The following CCSER1 variants were observed in gnomAD, a reference collection of about 807,000 sequenced individuals.
CCSER1 encodes the protein coiled-coil serine rich protein 1.
A neutral mutation model predicts 82.0 loss-of-function variants in CCSER1; 41 were observed. The observed-to-expected ratio is 0.50, with a 90% CI of 0.39 to 0.65. The LOEUF is 0.65. CCSER1 is among the 30% of genes least tolerant of loss of function. CCSER1 has a pLI of 0.00. For missense variants in CCSER1, 1,119 were observed against 1,064.2 expected (o/e 1.05, Z -0.72); for synonymous variants, 414 against 383.9 (o/e 1.08, Z -0.92).
intron 9 of CCSER1, among the ~76,000 whole-genome samples, chr4:91,053,312 A>G (rs1743163824): frequency 6.6e-6 from 1 of 152,170 alleles, no homozygotes; most frequent in Admixed American, 6.6e-5. Context: ...TACCAAAATG[A>G]GTTGGAAACA....
At chr4:90,865,763 C>G (rs765066381) in intron 8 of CCSER1, among the ~76,000 whole-genome samples, 1 of 151,774 alleles carries the variant, frequency 6.6e-6, no homozygotes, top group Non-Finnish European at 1.5e-5. Context: ...TTTTTATTTC[C>G]TTATCCCTCT....
chr4:91,377,071 A>G, intron 10 of CCSER1, among the ~76,000 whole-genome samples: 1 of 152,180 alleles, frequency 6.6e-6, no homozygotes, highest in Non-Finnish European at 1.5e-5. Flanking sequence ...CCTACAAAGG[A>G]CATGAACTCA....
intron 7 of CCSER1, among the ~76,000 whole-genome samples, chr4:90,764,500 G>A (rs1750904742): frequency 6.6e-6 from 1 of 152,044 alleles, no homozygotes; most frequent in Admixed American, 6.6e-5. Flanking sequence ...GACATCAATT[G>A]TCACCCAATA....
At chr4:90,457,223 G>A (rs1762288008) in intron 4 of CCSER1, among the ~76,000 whole-genome samples, 1 of 152,164 alleles carries the variant, frequency 6.6e-6, no homozygotes, top group Non-Finnish European at 1.5e-5. Flanking sequence ...CAGCAGCTTG[G>A]AGATCCCAGG....
intron 10 of CCSER1, among the ~76,000 whole-genome samples, chr4:91,402,574 A>G (rs898681157): frequency 6.6e-6 from 1 of 152,156 alleles, no homozygotes; most frequent in Non-Finnish European, 1.5e-5. Context: ...TTTTTGTATA[A>G]GGTGTAAGGA....
At chr4:90,311,741 A>C (rs1483600181) in intron 2 of CCSER1, among the ~76,000 whole-genome samples, 2 of 152,166 alleles carry the variant, frequency 1.3e-5, no homozygotes, top group Non-Finnish European at 2.9e-5. Flanking sequence ...CATTGTCTTA[A>C]AAAGTTATTT....
At chr4:90,528,930 TC>T (rs1227762748) in intron 5 of CCSER1, among the ~76,000 whole-genome samples, 2 of 152,092 alleles carry the variant, frequency 1.3e-5, no homozygotes, top group African/African-American at 2.4e-5. Context: ...ATTTTTAGAG[TC>T]TTTTTGTGTT....
intron 5 of CCSER1, among the ~76,000 whole-genome samples, chr4:90,520,234 T>C (rs1772903983): frequency 6.6e-6 from 1 of 151,584 alleles, no homozygotes; most frequent in Non-Finnish European, 1.5e-5. Flanking sequence ...ATATATGATA[T>C]GAAATTTATA....
intron 1 of CCSER1, among the ~76,000 whole-genome samples, chr4:90,222,603 TATCTAAATTTC>T (rs1352324912): frequency 6.6e-6 from 1 of 152,186 alleles, no homozygotes; most frequent in Non-Finnish European, 1.5e-5. Context: ...ATTTTTCTGT[TATCTAAATTTC>T]AAAGTGCCTT....
At chr4:90,691,043 T>G (rs1735725605) in intron 6 of CCSER1, among the ~76,000 whole-genome samples, 1 of 152,090 alleles carries the variant, frequency 6.6e-6, no homozygotes. Context: ...ATGTGTAAGA[T>G]GGTTGCTGTG....
intron 1 of CCSER1, among the ~76,000 whole-genome samples, chr4:90,214,954 C>T (rs145762425): frequency 6.6e-6 from 1 of 151,992 alleles, no homozygotes; most frequent in East Asian, 1.9e-4. Context: ...TTTGATTGTA[C>T]AGTTATGTAA....
intron 5 of CCSER1, among the ~76,000 whole-genome samples, chr4:90,567,357 C>G (rs1779526566): frequency 6.7e-6 from 1 of 148,944 alleles, no homozygotes; most frequent in Non-Finnish European, 1.5e-5. Context: ...GTGGCGCCAT[C>G]TCGGCTCACT....
intron 6 of CCSER1, among the ~76,000 whole-genome samples, chr4:90,648,032 G>A (rs1727907399): frequency 6.6e-6 from 1 of 151,854 alleles, no homozygotes; most frequent in Admixed American, 6.6e-5. Context: ...TTTCTTAAGG[G>A]AACTTTTTTT....
At chr4:90,432,551 C>T (rs1480150645) in intron 4 of CCSER1, among the ~76,000 whole-genome samples, 7 of 151,660 alleles carry the variant, frequency 4.6e-5, no homozygotes, top group African/African-American at 1.7e-4. Flanking sequence ...TTGCTCCCTC[C>T]CTTCTTCCTT....
chr4:91,132,079 C>G (rs1728047276), intron 10 of CCSER1, among the ~76,000 whole-genome samples: 5 of 151,998 alleles, frequency 3.3e-5, no homozygotes, highest in Admixed American at 3.3e-4. Context: ...AGATTCCTCT[C>G]AAATTGAAGG....
In CCSER1 at chr4:91,414,913, T is replaced by C. The variant is rs528773759; in HGVS notation, c.2218-183659T>C. ...GTAAGTGCATCATATGCACCCAAAA[T>C]TGACACACCTATGTATATAAAGCAA... On this transcript the variant is annotated intron_variant, in intron 10 of 10. Coordinates refer to ENST00000509176, the MANE Select transcript of CCSER1 (RefSeq NM_001145065.2). Among the ~76,000 whole-genome samples the C allele has an allele frequency of 1.3e-3, 194 of 152,216 alleles. 1 individual carries two copies. Among genetic ancestry groups the C allele is most frequent in the African/African-American group, 4.1e-3 (170 of 41,544 alleles).
chr4:90,208,276 A>G (rs1008302800), intron 1 of CCSER1, among the ~76,000 whole-genome samples: 1 of 152,172 alleles, frequency 6.6e-6, no homozygotes, highest in Non-Finnish European at 1.5e-5. Context: ...CCCAGTTCGG[A>G]CTTCCCAGCA....
intron 7 of CCSER1, among the ~76,000 whole-genome samples, chr4:90,772,151 G>C (rs1248919583): frequency 6.6e-6 from 1 of 152,078 alleles, no homozygotes; most frequent in East Asian, 1.9e-4. Flanking sequence ...ATATACATAA[G>C]ATATCAAATT....
intron 4 of CCSER1, among the ~76,000 whole-genome samples, chr4:90,459,379 A>G (rs1056769644): frequency 6.6e-6 from 1 of 152,178 alleles, no homozygotes; most frequent in African/African-American, 2.4e-5. Context: ...AATTATTAAT[A>G]TTAGTAAAAG....
Sources: gnomAD v4.1 joint callset for allele counts (sites outside exome capture counted in the v4.1 genomes callset) on GRCh38, gnomAD v4.1.1 for gene constraint, MANE v1.5 for transcripts, NCBI Gene and HGNC (gene_info 2026-07-23, HGNC 2026-07-21) for gene names.